The following NOX5 variants were observed in gnomAD, a reference collection of about 807,000 sequenced individuals.
The protein encoded by NOX5 is NADPH oxidase, EF-hand calcium binding domain 5.
A neutral mutation model predicts 85.7 loss-of-function variants in NOX5; 76 were observed. That is an observed-to-expected ratio of 0.89 (90% CI 0.74 to 1.07). NOX5 has a LOEUF of 1.07. Among genes scored for constraint, NOX5 ranks in the 50% least tolerant of loss-of-function variants. The pLI is 0.00. For synonymous variants in NOX5, 405 were observed against 401.4 expected (o/e 1.01, Z -0.11); for missense variants, 973 against 999.5 (o/e 0.97, Z 0.36).
In NOX5 at chr15:69,047,929, C is replaced by A. The variant is rs764253538; in HGVS notation, c.1899+18C>A. The stretch of plus-strand genomic sequence containing the variant: ...TCCATAAGGTGAGTACCACCTCCTG[C>A]AGGCAGGCCTCCAGACCTTCTCCCC... On this transcript the variant is annotated intron_variant, in intron 13 of 15. Transcript: ENST00000388866. 8.1e-6 allele frequency: 13 copies of A among 1,610,868 alleles called. No homozygotes were observed. The highest frequency in any genetic ancestry group is 5.5e-5 in the South Asian group (5 of 90,970).
rs1260370724 is a variant in NOX5, at chr15:69,035,785, C to CT, written c.1040dup (p.Gln348ProfsTer49). 1 of 1,614,090 alleles carries CT rather than the reference C, an allele frequency of 6.2e-7. No homozygotes were observed. The highest frequency in any genetic ancestry group is 1.1e-5 in the South Asian group (1 of 91,090). Reference sequence around the variant, plus strand: ...CTCCAGGCTCAGGCGGAGGCCAGCCCTTTCCAGTTCTGGGAGCTGCTGCTC... The same window carrying CT: ...CTCCAGGCTCAGGCGGAGGCCAGCCCTTTTCCAGTTCTGGGAGCTGCTGCTC... On this transcript the variant is annotated frameshift_variant, in exon 7 of 16. Transcript: ENST00000388866. LOFTEE classifies it high-confidence loss of function.
At chr15:69,023,384 TC>T in intron 1 of NOX5, 1 of 322,596 alleles carries the variant, frequency 3.1e-6, no homozygotes, top group Non-Finnish European at 6.0e-6. Context: ...GCTGGGTAAA[TC>T]CCAGGCCTCT....
At chr15:69,038,625 G>T (rs779319215) in intron 8 of NOX5, among the ~76,000 whole-genome samples, 1 of 152,056 alleles carries the variant, frequency 6.6e-6, no homozygotes, top group African/African-American at 2.4e-5. Context: ...TAAAACCAGG[G>T]GCCCCAATTC....
rs1240472614 is a variant in NOX5, at chr15:69,061,554, A to G, written c.*4858A>G. ...ATGCATCTTTTTATGATCTGTCTTT[A>G]CAATATGATGACTCTCTCCTTTTAA... On this transcript the variant is annotated 3_prime_UTR_variant, in exon 16 of 16. Transcript: ENST00000388866. 6.6e-6 allele frequency: 1 copy of G among 152,264 alleles called. No homozygotes were observed. Among genetic ancestry groups the G allele is most frequent in the Non-Finnish European group, 1.5e-5 (1 of 68,048 alleles). The allele number at this position is 152,264 out of a possible 1,614,324, so 9.4% of individuals were successfully genotyped here. A position where few individuals can be genotyped will look rare whatever the true frequency, so the allele number is the denominator to read the frequency against.
At position 69,046,815 on chromosome 15, in the gene NOX5, C is replaced by A; in HGVS notation, c.1648-7C>A. 6.2e-7 allele frequency: 1 copy of A among 1,613,458 alleles called. No homozygotes were observed. On this transcript the variant is annotated splice_region_variant and splice_polypyrimidine_tract_variant and intron_variant, in intron 10 of 15. Coordinates refer to ENST00000388866, the MANE Select transcript of NOX5 (RefSeq NM_024505.4). The stretch of plus-strand genomic sequence containing the variant: ...AGACCCATAACTCTCTGCTCTACTC[C>A]CTGCAGGGCTCTGAGATACTTTTGG...
intron 10 of NOX5, 58 bp from the exon 11 acceptor site, chr15:69,046,764 A>T: frequency 6.5e-7 from 1 of 1,534,318 alleles, no homozygotes; most frequent in Non-Finnish European, 8.9e-7. Flanking sequence ...GAAACTTCTA[A>T]GAAATCCCTA....
chr15:69,031,564 G>A lies in NOX5; in HGVS notation c.372G>A (p.Gly124=), dbSNP rs1268971391. Reference sequence around the variant, plus strand: ...CTGCAGGTACAGAGTGGGGTGCTGGGGCAGGCCCGCACTGGGCTTCATCCC... The same window carrying A: ...CTGCAGGTACAGAGTGGGGTGCTGGAGCAGGCCCGCACTGGGCTTCATCCC... ...GASAGTEWGA[G]AGPHWASSPL... The change falls in exon 4 of 16, where the codon GGG becomes GGA. Residue 124 remains glycine (G), a synonymous_variant. Transcript: ENST00000388866. 6.2e-7 allele frequency: 1 copy of A among 1,612,256 alleles called. No homozygotes were observed. The highest frequency in any genetic ancestry group is 1.7e-5 in the Admixed American group (1 of 60,008).
chr15:69,028,086 C>A, intron 2 of NOX5, 129 bp from the exon 3 acceptor site: 1 of 963,232 alleles, frequency 1.0e-6, no homozygotes, highest in Non-Finnish European at 1.5e-6. Context: ...CACCTGAGTT[C>A]TGCCTGAATA....
chr15:69,046,800 C>T (rs367942136), intron 10 of NOX5, 22 bp from the exon 11 acceptor site: 3 of 1,611,346 alleles, frequency 1.9e-6, no homozygotes, highest in African/African-American at 2.7e-5. Flanking sequence ...AGACCCATAA[C>T]TCTCTGCTCT....
At chr15:69,017,364 C>T (rs2050243771) in intron 1 of NOX5, among the ~76,000 whole-genome samples, 1 of 152,092 alleles carries the variant, frequency 6.6e-6, no homozygotes, top group Admixed American at 6.6e-5. Context: ...GTTGAACAGG[C>T]TGGTCTCGAA....
chr15:69,056,070 A>C (rs1402864973), intron 15 of NOX5, among the ~76,000 whole-genome samples: 1 of 152,106 alleles, frequency 6.6e-6, no homozygotes, highest in East Asian at 1.9e-4. Flanking sequence ...TGGGCATCAA[A>C]GAGGACTTTC....
intron 15 of NOX5, 134 bp from the exon 16 acceptor site, chr15:69,056,429 TGC>T: frequency 3.6e-6 from 4 of 1,119,330 alleles, no homozygotes; most frequent in Non-Finnish European, 5.1e-6. Context: ...AGCTGTGCCA[TGC>T]AGCTCCCTGT....
chr15:69,051,842 G>GTT (rs146592546), intron 14 of NOX5, among the ~76,000 whole-genome samples: 1 of 148,672 alleles, frequency 6.7e-6, no homozygotes, highest in Non-Finnish European at 1.5e-5. Context: ...TTCCATTCCT[G>GTT]TTTTTTTTTT....
At chr15:69,038,513 G>A in intron 8 of NOX5, 1 of 358,230 alleles carries the variant, frequency 2.8e-6, no homozygotes, top group Non-Finnish European at 5.2e-6. Context: ...GCCACACTCT[G>A]GCTGAAGTTC....
At chr15:69,026,225 A>C (rs992882108) in intron 1 of NOX5, among the ~76,000 whole-genome samples, 3 of 152,230 alleles carry the variant, frequency 2.0e-5, no homozygotes, top group Admixed American at 6.5e-5. Context: ...CAGTCGCAGC[A>C]TGCCACTCTC....
Position 69,015,548 on chromosome 15 carries a change from G to T in NOX5, c.50+763G>T, listed in dbSNP as rs556231672. 3.3e-5 allele frequency among the ~76,000 whole-genome samples: 5 copies of T among 152,300 alleles called. No individual in the cohort carries two copies. In the Middle Eastern group the frequency reaches 0.01, roughly 311 times the overall value. On this transcript the variant is annotated intron_variant, in intron 1 of 15. Transcript: ENST00000388866. Reference sequence around the variant, plus strand: ...CCCCTAGGGCAGCATTTCTCCAGGTGCATGGGTGGGTCACCCATGCGTGGG... The same window carrying T: ...CCCCTAGGGCAGCATTTCTCCAGGTTCATGGGTGGGTCACCCATGCGTGGG...
chr15:69,032,526 T>G (rs1276074975), intron 4 of NOX5, among the ~76,000 whole-genome samples: 1 of 151,798 alleles, frequency 6.6e-6, no homozygotes. Context: ...TTCTCCTGAC[T>G]CATCCTCCCG....
At chr15:69,033,413 G>T in intron 5 of NOX5, 136 bp downstream of exon 5, 2 of 989,948 alleles carry the variant, frequency 2.0e-6, no homozygotes, top group Non-Finnish European at 2.9e-6. Flanking sequence ...CTGGGCCAAC[G>T]CTCAGAGTTG....
intron 13 of NOX5, 33 bp from the exon 14 acceptor site, chr15:69,048,926 C>T: frequency 6.4e-7 from 1 of 1,550,568 alleles, no homozygotes; most frequent in Middle Eastern, 2.0e-4. Flanking sequence ...TCAGGGAGAC[C>T]CAGCCTCTGA....
Sources: allele counts gnomAD v4.1 joint callset (sites outside exome capture counted in the v4.1 genomes callset), GRCh38; gene constraint gnomAD v4.1.1; transcripts MANE v1.5; gene names NCBI Gene and HGNC (gene_info 2026-07-23, HGNC 2026-07-21).